Variants in ST7 observed in about 807,000 individuals in gnomAD.
ST7 encodes suppressor of tumorigenicity 7 protein.
Under a neutral mutation model 78.7 loss-of-function variants are expected in ST7, and 28 were observed. The ratio of observed to expected loss-of-function variants is 0.36; its 90% CI spans 0.26 to 0.49. The LOEUF (loss-of-function observed/expected upper bound fraction) is 0.49, where lower values mean the gene tolerates loss of function less well. ST7 is among the 20% of genes least tolerant of loss of function. ST7 has a pLI of 0.99. For missense variants in ST7, 418 were observed against 696.0 expected, an observed-to-expected ratio of 0.60 and a Z score of 4.49; for synonymous variants, 247 against 249.6, an observed-to-expected ratio of 0.99 and a Z score of 0.10.
chr7:117,083,916 C>A (rs1470036848), intron 1 of ST7, among the ~76,000 whole-genome samples: 2 of 152,078 alleles, frequency 1.3e-5, no homozygotes, highest in East Asian at 3.9e-4. Context: ...TCCTTATTAA[C>A]AAACGACAAT....
At chr7:117,137,841 T>A (rs917653456) in intron 8 of ST7, among the ~76,000 whole-genome samples, 3 of 152,186 alleles carry the variant, frequency 2.0e-5, no homozygotes, top group Non-Finnish European at 2.9e-5. Flanking sequence ...ATTTTAGTGA[T>A]TGTTGTTACA....
chr7:117,217,414 T>G (rs1792778699), intron 13 of ST7, among the ~76,000 whole-genome samples: 1 of 152,208 alleles, frequency 6.6e-6, no homozygotes, highest in African/African-American at 2.4e-5. Context: ...TAAGTTTAAA[T>G]TCAGTGCTTC....
chr7:117,034,544 T>G (rs1393253087), intron 1 of ST7, among the ~76,000 whole-genome samples: 2 of 152,212 alleles, frequency 1.3e-5, no homozygotes, highest in Non-Finnish European at 2.9e-5. Context: ...TCTTTATTCA[T>G]GAAAATGTCT....
At chr7:117,204,645 T>A (rs1439608346) in intron 12 of ST7, among the ~76,000 whole-genome samples, 1 of 152,236 alleles carries the variant, frequency 6.6e-6, no homozygotes, top group Non-Finnish European at 1.5e-5. Context: ...TCAGACTATG[T>A]GGTGTCTCTC....
chr7:117,227,193 G>A (rs563841122), intron 15 of ST7, among the ~76,000 whole-genome samples: 2 of 152,312 alleles, frequency 1.3e-5, no homozygotes, highest in South Asian at 2.1e-4. Context: ...TTTAGTGTGT[G>A]TGCATCACCC....
intron 10 of ST7, chr7:117,182,608 G>T (rs1017564061): frequency 6.6e-6 from 1 of 152,104 alleles, no homozygotes; most frequent in African/African-American, 2.4e-5. Flanking sequence ...AATTGGAGGT[G>T]GGGGGTATTG....
At chr7:116,973,414 C>T (rs200528159) in intron 1 of ST7, among the ~76,000 whole-genome samples, 43 of 152,266 alleles carry the variant, frequency 2.8e-4, no homozygotes, top group South Asian at 6.2e-4. Context: ...TGTGCCACCA[C>T]GTCAGACTAC....
At chr7:116,965,633 C>T (rs1164228789) in intron 1 of ST7, among the ~76,000 whole-genome samples, 1 of 151,924 alleles carries the variant, frequency 6.6e-6, no homozygotes, top group Non-Finnish European at 1.5e-5. Context: ...TTTTTAATTG[C>T]TTATCTATAG....
chr7:117,030,322 T>G (rs1381241318), intron 1 of ST7, among the ~76,000 whole-genome samples: 7 of 152,224 alleles, frequency 4.6e-5, no homozygotes, highest in Non-Finnish European at 1.0e-4. Flanking sequence ...ATAGTAAATG[T>G]AAAAGTGGTG....
At chr7:116,966,175 T>C in intron 1 of ST7, 2 of 409,428 alleles carry the variant, frequency 4.9e-6, no homozygotes, top group South Asian at 3.8e-5. Flanking sequence ...GTATCTTTTT[T>C]AGTGGATTAC....
chr7:117,020,407 C>G, intron 1 of ST7: 2 of 438,398 alleles, frequency 4.6e-6, no homozygotes. Flanking sequence ...GCATTTCAAT[C>G]ACACCGGGAG....
chr7:117,101,986 T>G (rs1801598919), intron 2 of ST7, among the ~76,000 whole-genome samples: 1 of 152,184 alleles, frequency 6.6e-6, no homozygotes, highest in Non-Finnish European at 1.5e-5. Flanking sequence ...AATACTAATC[T>G]GTTCACCTGT....
chr7:117,095,366 A>G (rs1157180687), intron 1 of ST7, among the ~76,000 whole-genome samples: 1 of 152,158 alleles, frequency 6.6e-6, no homozygotes, highest in African/African-American at 2.4e-5. Flanking sequence ...AACCTGCTGT[A>G]TTATCCTCTT....
intron 9 of ST7, among the ~76,000 whole-genome samples, chr7:117,144,541 G>A (rs1490689615): frequency 6.6e-6 from 1 of 151,438 alleles, no homozygotes. Context: ...GCTGAGGTGG[G>A]AGGATCACCT....
In ST7 at chr7:116,954,768, A is replaced by G. The variant is rs143526236; in HGVS notation, c.151+1077A>G. ...TGAAGATATATACATATGTACACATATATATCTTCCCTTGTTAATCTCCAT... is the reference window on the plus strand; with the variant it reads ...TGAAGATATATACATATGTACACATGTATATCTTCCCTTGTTAATCTCCAT... On this transcript the variant is annotated intron_variant, in intron 1 of 15. Coordinates refer to ENST00000323984, the MANE Select transcript of ST7 (RefSeq NM_001369598.1). The G allele has an allele frequency of 1.9e-4, 48 of 258,114 alleles. No individual in the cohort carries two copies. The East Asian group carries it at 4.0e-3, about 22-fold the overall frequency. The allele number at this position is 258,114 out of a possible 1,614,324, so 16.0% of individuals were successfully genotyped here. A position where few individuals can be genotyped will look rare whatever the true frequency, so the allele number is the denominator to read the frequency against.
chr7:117,080,599 A>C (rs933424166), intron 1 of ST7, among the ~76,000 whole-genome samples: 1 of 152,174 alleles, frequency 6.6e-6, no homozygotes, highest in East Asian at 1.9e-4. Context: ...CCACGTGTGT[A>C]GTGATTTTTA....
chr7:117,171,004 T>G (rs1584511483), intron 10 of ST7, 28 bp downstream of exon 10: 1 of 1,435,982 alleles, frequency 7.0e-7, no homozygotes, highest in Non-Finnish European at 9.7e-7. Context: ...TTTATTTACT[T>G]GACTATTCCT....
chr7:116,993,150 G>A (rs187293002), intron 1 of ST7, among the ~76,000 whole-genome samples: 240 of 152,254 alleles, frequency 1.6e-3, no homozygotes, highest in Non-Finnish European at 2.9e-3. Context: ...ACCCAGTTCC[G>A]AAGTCACTTC....
chr7:117,191,215 G>A (rs1013027195), intron 12 of ST7, among the ~76,000 whole-genome samples: 4 of 152,214 alleles, frequency 2.6e-5, no homozygotes, highest in Middle Eastern at 3.4e-3. Context: ...TAGATATCCC[G>A]GGAGTGTTGA....
Sources: gnomAD v4.1 joint callset for allele counts (sites outside exome capture counted in the v4.1 genomes callset) on GRCh38, gnomAD v4.1.1 for gene constraint, MANE v1.5 for transcripts, NCBI Gene and HGNC (gene_info 2026-07-23, HGNC 2026-07-21) for gene names.